TCF4: variants seen among roughly 807,000 people sequenced by gnomAD.
The protein encoded by TCF4 is SL3-3 enhancer factor 2.
A neutral mutation model predicts 82.1 loss-of-function variants in TCF4; 3 were observed. The observed-to-expected ratio is 0.04, with a 90% CI of 0.02 to 0.09. The LOEUF is 0.09. TCF4 is among the 10% of genes least tolerant of loss of function. TCF4 has a pLI of 1.00. For synonymous variants in TCF4, 276 were observed against 309.6 expected (o/e 0.89, Z 1.14); for missense variants, 518 against 852.7 (o/e 0.61, Z 4.89).
At chr18:55,312,369 T>A (rs560131325) in intron 8 of TCF4, among the ~76,000 whole-genome samples, 23 of 152,286 alleles carry the variant, frequency 1.5e-4, no homozygotes, top group African/African-American at 5.3e-4. Flanking sequence ...CAAAAACAAG[T>A]GCTAGCCTAA....
intron 5 of TCF4, among the ~76,000 whole-genome samples, chr18:55,439,987 G>A (rs1212917728): frequency 1.3e-5 from 2 of 152,168 alleles, no homozygotes; most frequent in Non-Finnish European, 2.9e-5. Context: ...GCCTCCCAAA[G>A]AGCTGAGATT....
chr18:55,279,998 A>C (rs1225526696), intron 8 of TCF4, among the ~76,000 whole-genome samples: 1 of 152,202 alleles, frequency 6.6e-6, no homozygotes, highest in Non-Finnish European at 1.5e-5. Context: ...ATGGCCCATA[A>C]GCATGTGAAA....
intron 8 of TCF4, among the ~76,000 whole-genome samples, chr18:55,325,657 C>G (rs1250383606): frequency 6.6e-6 from 1 of 152,176 alleles, no homozygotes; most frequent in Non-Finnish European, 1.5e-5. Context: ...CTCCATGTTT[C>G]TGTTTAAGTC....
intron 5 of TCF4, among the ~76,000 whole-genome samples, chr18:55,458,869 T>C: frequency 6.6e-6 from 1 of 152,150 alleles, no homozygotes; most frequent in East Asian, 1.9e-4. Context: ...CAATACCCTC[T>C]CGCTCTGAGG....
At chr18:55,256,377 C>A (rs527695845) in intron 14 of TCF4, among the ~76,000 whole-genome samples, 1 of 152,204 alleles carries the variant, frequency 6.6e-6, no homozygotes, top group African/African-American at 2.4e-5. Flanking sequence ...ATGTGGTCCG[C>A]AGATTAATTG....
At chr18:55,286,089 TA>T (rs1034356002) in intron 8 of TCF4, among the ~76,000 whole-genome samples, 10 of 152,228 alleles carry the variant, frequency 6.6e-5, no homozygotes, top group African/African-American at 2.2e-4. Context: ...AAGAAACTCT[TA>T]ATCCGCAATT....
At chr18:55,246,805 T>C (rs906148482) in intron 15 of TCF4, among the ~76,000 whole-genome samples, 1 of 152,128 alleles carries the variant, frequency 6.6e-6, no homozygotes, top group Non-Finnish European at 1.5e-5. Flanking sequence ...AAATACTTGA[T>C]AGTTGTGGAG....
intron 6 of TCF4, chr18:55,400,933 C>T (rs2093778153): frequency 1.6e-6 from 2 of 1,284,994 alleles, no homozygotes; most frequent in South Asian, 1.2e-5. Flanking sequence ...CTGAAGGTTT[C>T]CTATTCCGTA....
chr18:55,446,337 A>C (rs188373134), intron 5 of TCF4, among the ~76,000 whole-genome samples: 134 of 151,680 alleles, frequency 8.8e-4, no homozygotes, highest in African/African-American at 3.2e-3. Flanking sequence ...AAGGGGAAAA[A>C]CCCCTTTGTT....
At chr18:55,470,720 T>C (rs998041936) in intron 3 of TCF4, among the ~76,000 whole-genome samples, 11 of 152,202 alleles carry the variant, frequency 7.2e-5, no homozygotes, top group Admixed American at 7.2e-4. Flanking sequence ...TAGAGTTTTA[T>C]GAAATTAGAA....
intron 6 of TCF4, chr18:55,400,862 C>A (rs1172968583): frequency 1.2e-6 from 1 of 845,896 alleles, no homozygotes; most frequent in East Asian, 6.2e-5. Context: ...CCCTTTAAGT[C>A]CATAGGATAC....
chr18:55,628,337 A>G (rs2097728584), intron 2 of TCF4, among the ~76,000 whole-genome samples: 1 of 152,164 alleles, frequency 6.6e-6, no homozygotes, highest in African/African-American at 2.4e-5. Context: ...CTAACATCAC[A>G]ATGATGCATC....
chr18:55,462,444 C>T lies in TCF4; in HGVS notation c.208-1329G>A, dbSNP rs542465835. Among the ~76,000 whole-genome samples, 6 of 152,170 alleles carry T rather than the reference C, an allele frequency of 3.9e-5. No homozygotes were observed. The South Asian group carries it at 6.2e-4, about 16-fold the overall frequency. ...TGAAAAAAGAGAGACCTTGAAAGTA[C>T]GCCTGGGTATAAATCTGCCACAAAT... is the stretch of plus-strand genomic sequence containing the variant. On this transcript the variant is annotated intron_variant, in intron 4 of 19. Transcript: ENST00000354452.
intron 3 of TCF4, among the ~76,000 whole-genome samples, chr18:55,574,922 A>T (rs1324881331): frequency 6.6e-6 from 1 of 152,226 alleles, no homozygotes; most frequent in Non-Finnish European, 1.5e-5. Context: ...CACTGAAAAA[A>T]TAATAAGAAC....
At chr18:55,549,226 A>G (rs1209924866) in intron 3 of TCF4, among the ~76,000 whole-genome samples, 2 of 152,128 alleles carry the variant, frequency 1.3e-5, no homozygotes, top group East Asian at 3.9e-4. Context: ...ACCTGAGCCC[A>G]GGAGGCGGAG....
chr18:55,521,469 T>G (rs1247840049), intron 3 of TCF4, among the ~76,000 whole-genome samples: 1 of 152,122 alleles, frequency 6.6e-6, no homozygotes, highest in East Asian at 1.9e-4. Context: ...AAGTCAAATC[T>G]CATAATGCAA....
chr18:55,433,289 G>C (rs2095252020), intron 5 of TCF4, among the ~76,000 whole-genome samples: 1 of 152,180 alleles, frequency 6.6e-6, no homozygotes, highest in African/African-American at 2.4e-5. Flanking sequence ...GTAAAATGCA[G>C]ATAACAAATG....
intron 8 of TCF4, chr18:55,321,660 A>G (rs927244661): frequency 2.0e-6 from 3 of 1,536,006 alleles, no homozygotes; most frequent in Non-Finnish European, 1.7e-6. Context: ...CGCAGCCCGC[A>G]TTCGCTTACC....
intron 6 of TCF4, among the ~76,000 whole-genome samples, chr18:55,393,091 G>A (rs945735368): frequency 6.6e-6 from 1 of 152,196 alleles, no homozygotes; most frequent in Admixed American, 6.5e-5. Context: ...TTGGCTGGGT[G>A]CAGTGGCTCA....
Sources: allele counts gnomAD v4.1 joint callset (sites outside exome capture counted in the v4.1 genomes callset), GRCh38; gene constraint gnomAD v4.1.1; transcripts MANE v1.5; gene names NCBI Gene and HGNC (gene_info 2026-07-23, HGNC 2026-07-21).